The following ESCO1 variants were observed in gnomAD, a reference collection of about 807,000 sequenced individuals.
ESCO1 encodes establishment of sister chromatid cohesion N-acetyltransferase 1.
ESCO1 carries 33 observed loss-of-function variants against 83.5 expected under a neutral mutation model. The observed-to-expected ratio is 0.40, with a 90% CI of 0.30 to 0.53. The LOEUF (loss-of-function observed/expected upper bound fraction) is 0.53. ESCO1 is among the 20% of genes least tolerant of loss of function. ESCO1 has a pLI of 0.63. For synonymous variants in ESCO1, 332 were observed against 324.3 expected (o/e 1.02, Z -0.25); for missense variants, 855 against 968.0 (o/e 0.88, Z 1.55).
intron 1 of ESCO1, among the ~76,000 whole-genome samples, chr18:21,589,971 G>A (rs2038640754): frequency 6.6e-6 from 1 of 151,636 alleles, no homozygotes; most frequent in East Asian, 1.9e-4. Flanking sequence ...GGGACTACAG[G>A]CACCCGCCAC....
intron 11 of ESCO1, among the ~76,000 whole-genome samples, chr18:21,532,230 A>G (rs991309894): frequency 1.1e-4 from 17 of 152,228 alleles, no homozygotes; most frequent in African/African-American, 3.9e-4. Flanking sequence ...CATCATAGTT[A>G]CAAATAAGTA....
At chr18:21,580,205 A>C (rs1242419363) in intron 2 of ESCO1, among the ~76,000 whole-genome samples, 1 of 151,948 alleles carries the variant, frequency 6.6e-6, no homozygotes, top group Non-Finnish European at 1.5e-5. Flanking sequence ...AGCCCCCAAA[A>C]ATTTTTTTTC....
At chr18:21,537,019 T>C (rs2146170217) in intron 9 of ESCO1, among the ~76,000 whole-genome samples, 1 of 152,314 alleles carries the variant, frequency 6.6e-6, no homozygotes, top group East Asian at 1.9e-4. Context: ...ACTTTACATA[T>C]GGAAGAAATA....
Position 21,573,946 on chromosome 18 carries a change from G to T in ESCO1, c.898C>A (p.Arg300=), listed in dbSNP as rs1568106616. ...TCACAGAGCTGGAGAATACTACCTC[G>T]TTTGCTCTTTCCTGCTTGCTCCAGC... The part of the protein sequence containing the change: ...NELEQAGKSK[R]GSILQLCEEI... The change falls in exon 4 of 12, where the codon CGA becomes AGA. Residue 300 remains arginine, a synonymous_variant. Transcript: ENST00000269214. 6.2e-7 allele frequency: 1 copy of T among 1,613,668 alleles called. No individual in the cohort carries two copies. The highest frequency in any genetic ancestry group is 8.5e-7 in the Non-Finnish European group (1 of 1,180,020).
intron 7 of ESCO1, among the ~76,000 whole-genome samples, chr18:21,561,315 A>G (rs903188813): frequency 6.6e-6 from 1 of 152,204 alleles, no homozygotes; most frequent in African/African-American, 2.4e-5. Context: ...CGTATTTGCA[A>G]TAATTATACT....
At chr18:21,587,256 C>T (rs1051646999) in intron 1 of ESCO1, among the ~76,000 whole-genome samples, 2 of 152,150 alleles carry the variant, frequency 1.3e-5, no homozygotes, top group South Asian at 4.1e-4. Context: ...CTTTTTAGTA[C>T]TAAGGCAATA....
intron 8 of ESCO1, among the ~76,000 whole-genome samples, chr18:21,543,943 T>C (rs1320264252): frequency 2.0e-5 from 3 of 152,314 alleles, no homozygotes; most frequent in East Asian, 1.9e-4. Flanking sequence ...ATTGAAGGTG[T>C]AGTTATATTC....
intron 9 of ESCO1, among the ~76,000 whole-genome samples, chr18:21,538,553 G>A (rs1209587359): frequency 8.6e-5 from 13 of 151,972 alleles, no homozygotes; most frequent in Admixed American, 3.9e-4. Context: ...TTGTCCATTC[G>A]GATAAACAGA....
chr18:21,550,493 T>C (rs1483185883), intron 8 of ESCO1, among the ~76,000 whole-genome samples: 1 of 152,220 alleles, frequency 6.6e-6, no homozygotes, highest in African/African-American at 2.4e-5. Flanking sequence ...AATCTCTTTA[T>C]TAGGATTCAC....
rs114901954 is a variant in ESCO1, at chr18:21,545,386, C to G, written c.1954-5377G>C. On this transcript the variant is annotated intron_variant, in intron 8 of 11. Coordinates refer to ENST00000269214, the MANE Select transcript of ESCO1 (RefSeq NM_052911.3). The stretch of plus-strand genomic sequence containing the variant: ...GTCAGGAGTTCGAGATCAAACTGGC[C>G]AACATGGCAAACCCCGTCTCTACTA... Among the ~76,000 whole-genome samples, 1,217 of 151,894 alleles carry G rather than the reference C, an allele frequency of 8.0e-3. 13 individuals carry two copies. The highest frequency in any genetic ancestry group is 0.028 in the African/African-American group (1,165 of 41,418).
chr18:21,548,937 C>CT (rs2038010036), intron 8 of ESCO1, among the ~76,000 whole-genome samples: 1 of 148,888 alleles, frequency 6.7e-6, no homozygotes, highest in Non-Finnish European at 1.5e-5. Flanking sequence ...GACCCTGTCT[C>CT]TTAAAAAAAA....
At chr18:21,579,792 GCGCACACACACACACACA>G (rs1338958312) in intron 2 of ESCO1, among the ~76,000 whole-genome samples, 1,360 of 135,028 alleles carry the variant, frequency 0.01, 21 homozygotes, top group Non-Finnish European at 0.014. Context: ...ACACGCGCGC[GCGCACACACACACACACA>G]CACACACACA....
chr18:21,586,654 A>C (rs909547825), intron 1 of ESCO1, among the ~76,000 whole-genome samples: 29 of 152,184 alleles, frequency 1.9e-4, no homozygotes, highest in Non-Finnish European at 2.2e-4. Context: ...TGAATTTCTT[A>C]GGATTTCCTA....
chr18:21,542,013 G>GT (rs2037914021), intron 8 of ESCO1, among the ~76,000 whole-genome samples: 1 of 152,048 alleles, frequency 6.6e-6, no homozygotes, highest in African/African-American at 2.4e-5. Context: ...CTTCAGACTT[G>GT]TATGTTCATG....
At chr18:21,589,727 T>C (rs1281803253) in intron 1 of ESCO1, among the ~76,000 whole-genome samples, 1 of 152,182 alleles carries the variant, frequency 6.6e-6, no homozygotes, top group African/African-American at 2.4e-5. Flanking sequence ...AGCTCGAAGA[T>C]GGCACAAAGC....
At chr18:21,572,415 GT>G (rs1347265420) in intron 4 of ESCO1, among the ~76,000 whole-genome samples, 1 of 152,038 alleles carries the variant, frequency 6.6e-6, no homozygotes, top group Non-Finnish European at 1.5e-5. Flanking sequence ...ACTTTCTTAG[GT>G]AATCAAAATT....
chr18:21,579,863 T>G (rs188702393), intron 2 of ESCO1, among the ~76,000 whole-genome samples: 1 of 148,372 alleles, frequency 6.7e-6, no homozygotes, highest in African/African-American at 2.5e-5. Context: ...GACCTAAGAG[T>G]ATCTAGAATA....
At chr18:21,551,723 C>T (rs1178860413) in intron 8 of ESCO1, among the ~76,000 whole-genome samples, 1 of 152,196 alleles carries the variant, frequency 6.6e-6, no homozygotes, top group Admixed American at 6.5e-5. Flanking sequence ...CATGGGACAA[C>T]TGCAGTTGGG....
chr18:21,564,433 C>T (rs1045381387), intron 6 of ESCO1, 116 bp from the exon 7 acceptor site: 11 of 696,138 alleles, frequency 1.6e-5, no homozygotes, highest in Admixed American at 1.6e-4. Flanking sequence ...CTCTGTCGCC[C>T]AGGCTGGAGT....
Sources: allele counts gnomAD v4.1 joint callset (sites outside exome capture counted in the v4.1 genomes callset), GRCh38; gene constraint gnomAD v4.1.1; transcripts MANE v1.5; gene names NCBI Gene and HGNC (gene_info 2026-07-23, HGNC 2026-07-21).